Variants in HDAC9 observed in about 807,000 individuals in gnomAD.
The protein encoded by HDAC9 is MEF-2 interacting transcription repressor (MITR) protein.
A neutral mutation model predicts 139.4 loss-of-function variants in HDAC9; 41 were observed. The observed-to-expected ratio is 0.29, with a 90% CI of 0.23 to 0.38. The LOEUF (loss-of-function observed/expected upper bound fraction) is 0.38. HDAC9 is among the 10% of genes least tolerant of loss of function. The pLI is 1.00. For missense variants in HDAC9, 1,147 were observed against 1,297.0 expected, an observed-to-expected ratio of 0.88 and a Z score of 1.78; for synonymous variants, 517 against 476.2, an observed-to-expected ratio of 1.09 and a Z score of -1.12.
At chr7:18,465,775 G>A (rs892452016) in intron 1 of HDAC9, among the ~76,000 whole-genome samples, 1 of 152,030 alleles carries the variant, frequency 6.6e-6, no homozygotes, top group Non-Finnish European at 1.5e-5. Flanking sequence ...CAGTTACTAA[G>A]CTTCTACCCC....
At chr7:18,258,662 C>T (rs1360639070) in intron 2 of HDAC9, among the ~76,000 whole-genome samples, 1 of 152,106 alleles carries the variant, frequency 6.6e-6, no homozygotes, top group Non-Finnish European at 1.5e-5. Context: ...GATTACACAG[C>T]TAATATGTTA....
At chr7:18,366,313 A>G (rs1784177384) in intron 1 of HDAC9, among the ~76,000 whole-genome samples, 1 of 152,134 alleles carries the variant, frequency 6.6e-6, no homozygotes, top group Non-Finnish European at 1.5e-5. Flanking sequence ...ACTTGGCAGT[A>G]TTCTGTGTGC....
chr7:18,879,662 C>T (rs751229146), intron 22 of HDAC9, among the ~76,000 whole-genome samples: 9 of 151,980 alleles, frequency 5.9e-5, no homozygotes, highest in Non-Finnish European at 8.8e-5. Context: ...AAAATCAACT[C>T]GAGATGGATT....
intron 22 of HDAC9, among the ~76,000 whole-genome samples, chr7:18,896,832 TCA>T (rs1393400574): frequency 6.6e-6 from 1 of 152,006 alleles, no homozygotes; most frequent in Middle Eastern, 3.2e-3. Context: ...CCCAATTCCT[TCA>T]CACTGCAAAT....
At chr7:18,104,278 T>C (rs1351588213) in intron 1 of HDAC9, among the ~76,000 whole-genome samples, 1 of 151,994 alleles carries the variant, frequency 6.6e-6, no homozygotes, top group African/African-American at 2.4e-5. Flanking sequence ...ACATTAAGGG[T>C]TTCTTTTTGT....
chr7:18,866,244 G>A (rs1798486342), intron 21 of HDAC9, among the ~76,000 whole-genome samples: 1 of 151,704 alleles, frequency 6.6e-6, no homozygotes, highest in East Asian at 1.9e-4. Flanking sequence ...ACCTCAGAAC[G>A]GCCTTCTCTA....
chr7:18,919,154 A>G (rs952077587), intron 22 of HDAC9, among the ~76,000 whole-genome samples: 3 of 152,090 alleles, frequency 2.0e-5, no homozygotes, highest in African/African-American at 7.2e-5. Flanking sequence ...TCAGAAACAC[A>G]AAGTCAGAAG....
intron 22 of HDAC9, among the ~76,000 whole-genome samples, chr7:18,922,074 G>T (rs1803793812): frequency 8.7e-6 from 1 of 115,008 alleles, no homozygotes; most frequent in Non-Finnish European, 1.8e-5. Flanking sequence ...ACTGGGGCCT[G>T]TTGTGGGGTG....
intron 1 of HDAC9, among the ~76,000 whole-genome samples, chr7:18,383,199 T>A (rs1347410629): frequency 6.6e-6 from 1 of 152,206 alleles, no homozygotes; most frequent in Non-Finnish European, 1.5e-5. Context: ...TTAAAATGCA[T>A]ATCATAAAGC....
chr7:18,577,298 A>G (rs908182261), intron 2 of HDAC9, among the ~76,000 whole-genome samples: 1 of 152,142 alleles, frequency 6.6e-6, no homozygotes, highest in Non-Finnish European at 1.5e-5. Flanking sequence ...GTAGAGTCCA[A>G]TCACAAGTCA....
intron 1 of HDAC9, among the ~76,000 whole-genome samples, chr7:18,141,127 A>T (rs532017026): frequency 6.0e-4 from 91 of 152,314 alleles, no homozygotes; most frequent in African/African-American, 1.9e-3. Flanking sequence ...CACAGCTTCT[A>T]TTGTTCTGTA....
At chr7:18,990,143 T>G (rs1347104352) in intron 25 of HDAC9, among the ~76,000 whole-genome samples, 2 of 152,136 alleles carry the variant, frequency 1.3e-5, no homozygotes, top group Non-Finnish European at 2.9e-5. Flanking sequence ...CGTTTTAGAG[T>G]TTCCAGTTTT....
chr7:18,463,013 T>A (rs1284594115), intron 1 of HDAC9, among the ~76,000 whole-genome samples: 1 of 152,020 alleles, frequency 6.6e-6, no homozygotes, highest in African/African-American at 2.4e-5. Flanking sequence ...TCCAATTCCT[T>A]GTCCATACTT....
At chr7:18,517,113 T>C (rs1803467797) in intron 2 of HDAC9, among the ~76,000 whole-genome samples, 1 of 152,174 alleles carries the variant, frequency 6.6e-6, no homozygotes, top group Non-Finnish European at 1.5e-5. Flanking sequence ...AATTTTTTGA[T>C]CAAAACTGAT....
At position 18,455,713 on chromosome 7, in the gene HDAC9, TGGG is replaced by T. The variant is rs1245508967; in HGVS notation, c.-41-40548_-41-40546del. 2.0e-5 allele frequency among the ~76,000 whole-genome samples: 3 copies of T among 152,274 alleles called. No homozygotes were observed. The East Asian group carries it at 5.8e-4, about 29-fold the overall frequency. ...TACACCAATAGATTCACAGCACAGT[TGGG>T]TCACAAATTATGTTTCTAAATTTAG... On this transcript the variant is annotated intron_variant, in intron 1 of 3. Transcript: ENST00000413509.
intron 1 of HDAC9, among the ~76,000 whole-genome samples, chr7:18,334,786 C>T (rs1407599866): frequency 6.6e-6 from 1 of 151,392 alleles, no homozygotes; most frequent in African/African-American, 2.4e-5. Flanking sequence ...AGTTCAGGTT[C>T]GATGTCTATA....
rs71960483 is a variant in HDAC9 at position 18,893,033 on chromosome 7, GAAA to G, written c.2803+18456_2803+18458del. On this transcript the variant is annotated intron_variant, in intron 22 of 25. Coordinates refer to ENST00000686413, the MANE Select transcript of HDAC9 (RefSeq NM_178425.4). ...CAGTGTTTCAAGTAGGTAATAGGCCGAAAAAAAAAAAAAAAAAAAAAGAAAAGA... is the reference window on the plus strand; with the variant it reads ...CAGTGTTTCAAGTAGGTAATAGGCCGAAAAAAAAAAAAAAAAAAGAAAAGA... 4.6e-4 allele frequency among the ~76,000 whole-genome samples: 31 copies of G among 66,884 alleles called. No homozygotes were observed. The East Asian group carries it at 0.013, about 28-fold the overall frequency. The allele number at this position is 66,884 out of a possible 152,430, so 43.9% of individuals were successfully genotyped here. A position where few individuals can be genotyped will look rare whatever the true frequency, so the allele number is the denominator to read the frequency against.
At chr7:18,803,053 C>T (rs910151895) in intron 17 of HDAC9, among the ~76,000 whole-genome samples, 10 of 151,412 alleles carry the variant, frequency 6.6e-5, no homozygotes, top group African/African-American at 2.4e-4. Flanking sequence ...TTGGTTTGTC[C>T]CCTTACTTTC....
chr7:18,555,292 T>G (rs1308273841), intron 2 of HDAC9, among the ~76,000 whole-genome samples: 2 of 152,156 alleles, frequency 1.3e-5, no homozygotes, highest in Non-Finnish European at 2.9e-5. Flanking sequence ...CAATTCTAAT[T>G]ATAGAAAAAG....
Sources: allele counts gnomAD v4.1 joint callset (sites outside exome capture counted in the v4.1 genomes callset), GRCh38; gene constraint gnomAD v4.1.1; transcripts MANE v1.5; gene names NCBI Gene and HGNC (gene_info 2026-07-23, HGNC 2026-07-21).